RAD51B: variants seen among roughly 807,000 people sequenced by gnomAD.
The protein encoded by RAD51B is RAD51 paralog B, also known as DNA repair protein RAD51 homolog 2.
Under a neutral mutation model 42.2 loss-of-function variants are expected in RAD51B, and 38 were observed. The ratio of observed to expected loss-of-function variants is 0.90; its 90% CI spans 0.70 to 1.18. The LOEUF (loss-of-function observed/expected upper bound fraction) is 1.18. RAD51B is among the 50% of genes most tolerant of loss of function. RAD51B has a pLI of 0.00. For missense variants in RAD51B, 373 were observed against 400.7 expected (o/e 0.93, Z 0.59); for synonymous variants, 154 against 145.2 (o/e 1.06, Z -0.43).
intron 7 of RAD51B, among the ~76,000 whole-genome samples, chr14:67,972,799 CG>C (rs1403254937): frequency 6.6e-6 from 1 of 151,954 alleles, no homozygotes; most frequent in Non-Finnish European, 1.5e-5. Flanking sequence ...AATTGGGAAC[CG>C]TTTGAACAAA....
Position 68,290,782 on chromosome 14 carries a change from TTTTATTTATTTATTTTTATTTA to T in RAD51B, c.757-1086_757-1065del, listed in dbSNP as rs1246146245. Among the ~76,000 whole-genome samples, 47 of 136,628 alleles carry T rather than the reference TTTTATTTATTTATTTTTATTTA, an allele frequency of 3.4e-4. 1 individual carries two copies. The East Asian group carries it at 8.2e-3, about 24-fold the overall frequency. 89.6% of individuals were successfully genotyped at this position (136,628 alleles called of 152,430 possible). On this transcript the variant is annotated intron_variant, in intron 7 of 10. Coordinates refer to ENST00000471583, the MANE Select transcript of RAD51B (RefSeq NM_133510.4). ...AGAAGCCACAGGCATCCAAATTTTA[TTTTATTTATTTATTTTTATTTA>T]TTTATTTATTTATTTATTTGAGACA... is the stretch of plus-strand genomic sequence containing the variant.
intron 8 of RAD51B, among the ~76,000 whole-genome samples, chr14:68,349,228 C>T (rs2082734140): frequency 6.6e-6 from 1 of 152,018 alleles, no homozygotes; most frequent in Admixed American, 6.6e-5. Flanking sequence ...GACATATAGG[C>T]CAAATGGACA....
intron 10 of RAD51B, among the ~76,000 whole-genome samples, chr14:68,617,401 G>A (rs1284382741): frequency 1.3e-5 from 2 of 152,158 alleles, no homozygotes; most frequent in Non-Finnish European, 2.9e-5. Flanking sequence ...TTACATCTCA[G>A]AATCCCATGT....
chr14:68,084,167 T>G (rs1368909620), intron 7 of RAD51B, among the ~76,000 whole-genome samples: 1 of 152,234 alleles, frequency 6.6e-6, no homozygotes, highest in Admixed American at 6.5e-5. Flanking sequence ...CACTAAGGCA[T>G]TATTTAAACT....
intron 9 of RAD51B, among the ~76,000 whole-genome samples, chr14:68,464,924 G>A (rs912303052): frequency 4.6e-5 from 7 of 152,168 alleles, no homozygotes; most frequent in African/African-American, 1.7e-4. Flanking sequence ...TTGATTTCCG[G>A]CAGAGAGGTC....
chr14:68,196,056 T>G (rs549334567), intron 7 of RAD51B, among the ~76,000 whole-genome samples: 1 of 151,686 alleles, frequency 6.6e-6, no homozygotes, highest in African/African-American at 2.4e-5. Context: ...ACAAAAAGAT[T>G]AGCTGGGCGT....
At chr14:67,893,493 C>CAAAAAAAAA (rs1566945246) in intron 7 of RAD51B, among the ~76,000 whole-genome samples, 1 of 81,156 alleles carries the variant, frequency 1.2e-5, no homozygotes, top group African/African-American at 6.1e-5. Flanking sequence ...CACACACACA[C>CAAAAAAAAA]ACACACACAC....
chr14:67,865,535 CTTT>C (rs34247540), intron 5 of RAD51B, among the ~76,000 whole-genome samples: 1 of 89,964 alleles, frequency 1.1e-5, no homozygotes. Context: ...CTGTGCCTGG[CTTT>C]TTTTTTTTTT....
chr14:68,338,648 G>A (rs931830411), intron 8 of RAD51B: 5 of 315,696 alleles, frequency 1.6e-5, no homozygotes, highest in Middle Eastern at 1.1e-3. Flanking sequence ...CTTTATGCTT[G>A]CCATATTTTT....
intron 7 of RAD51B, among the ~76,000 whole-genome samples, chr14:68,104,737 A>G (rs951025896): frequency 4.6e-5 from 7 of 152,150 alleles, no homozygotes; most frequent in African/African-American, 1.7e-4. Flanking sequence ...ATTACAAGAA[A>G]TCCACGATAG....
At chr14:68,104,889 G>A (rs1400604858) in intron 7 of RAD51B, among the ~76,000 whole-genome samples, 1 of 152,072 alleles carries the variant, frequency 6.6e-6, no homozygotes, top group Non-Finnish European at 1.5e-5. Context: ...GAAATCAAAT[G>A]CATGATTTTA....
At chr14:68,318,659 C>G (rs1033259066) in intron 8 of RAD51B, among the ~76,000 whole-genome samples, 8 of 152,160 alleles carry the variant, frequency 5.3e-5, no homozygotes, top group Non-Finnish European at 1.5e-5. Flanking sequence ...GGCGGACCTC[C>G]CTCTCTGGGG....
chr14:68,591,414 T>C (rs568929541), intron 10 of RAD51B, among the ~76,000 whole-genome samples: 5 of 152,352 alleles, frequency 3.3e-5, no homozygotes, highest in South Asian at 4.1e-4. Flanking sequence ...GGGAGCCACC[T>C]CATTGGCTTT....
At chr14:68,278,484 T>C (rs1440747564) in intron 7 of RAD51B, among the ~76,000 whole-genome samples, 1 of 152,220 alleles carries the variant, frequency 6.6e-6, no homozygotes, top group Non-Finnish European at 1.5e-5. Context: ...TGATACTCAC[T>C]GGGTACCCAG....
chr14:67,847,344 T>TTTTTTTTA (rs2041654205), intron 4 of RAD51B, among the ~76,000 whole-genome samples: 1 of 144,906 alleles, frequency 6.9e-6, no homozygotes, highest in African/African-American at 2.5e-5. Flanking sequence ...TTTTTTTTTT[T>TTTTTTTTA]TTTTCTAATT....
In RAD51B at chr14:68,074,567, A is replaced by G. The variant is rs556854432; in HGVS notation, c.756+187363A>G. Among the ~76,000 whole-genome samples, 13 of 152,054 alleles carry G rather than the reference A, an allele frequency of 8.5e-5. No individual in the cohort carries two copies. The East Asian group carries it at 1.9e-3, about 23-fold the overall frequency. ...TTCTGGTTAGGAACCATTGCTGGGGAGATGTTGTAGTCATTTGGAGGTAAG... is the reference window on the plus strand; with the variant it reads ...TTCTGGTTAGGAACCATTGCTGGGGGGATGTTGTAGTCATTTGGAGGTAAG... On this transcript the variant is annotated intron_variant, in intron 7 of 10. Coordinates refer to ENST00000471583, the MANE Select transcript of RAD51B (RefSeq NM_133510.4).
chr14:67,840,222 A>G (rs1256284494), intron 4 of RAD51B, among the ~76,000 whole-genome samples: 1 of 152,278 alleles, frequency 6.6e-6, no homozygotes. Context: ...GATTTATACC[A>G]TCTCTCAGCT....
At chr14:68,091,802 G>C (rs2077104358) in intron 7 of RAD51B, among the ~76,000 whole-genome samples, 2 of 152,124 alleles carry the variant, frequency 1.3e-5, no homozygotes, top group Admixed American at 6.5e-5. Flanking sequence ...GTATTGCCTA[G>C]GTTTTCTTCT....
chr14:68,574,640 G>A (rs1196467345), intron 10 of RAD51B, among the ~76,000 whole-genome samples: 3 of 152,206 alleles, frequency 2.0e-5, no homozygotes, highest in African/African-American at 7.2e-5. Flanking sequence ...ATGGGACAGG[G>A]ACCTTGGGCC....
Sources: gnomAD v4.1 joint callset for allele counts (sites outside exome capture counted in the v4.1 genomes callset) on GRCh38, gnomAD v4.1.1 for gene constraint, MANE v1.5 for transcripts, NCBI Gene and HGNC (gene_info 2026-07-23, HGNC 2026-07-21) for gene names.